The following BTC variants were observed in gnomAD, a reference collection of about 807,000 sequenced individuals.
The protein encoded by BTC is betacellulin.
A neutral mutation model predicts 18.1 loss-of-function variants in BTC; 13 were observed. That is an observed-to-expected ratio of 0.72 (90% CI 0.47 to 1.14). The LOEUF (loss-of-function observed/expected upper bound fraction) is 1.14. Ranked by LOEUF, BTC falls within the 50% of genes most tolerant of loss-of-function variation. BTC has a pLI of 0.00. For missense variants in BTC, 247 were observed against 224.2 expected (o/e 1.10, Z -0.65); for synonymous variants, 83 against 79.4 (o/e 1.05, Z -0.24).
intron 1 of BTC, 50 bp downstream of exon 1, chr4:74,794,212 C>T: frequency 6.5e-7 from 1 of 1,548,464 alleles, no homozygotes; most frequent in South Asian, 1.2e-5. Flanking sequence ...CCCCGCGACT[C>T]CAGCCCCAGA....
chr4:74,770,089 G>T lies in BTC; in HGVS notation c.132C>A (p.Leu44=), dbSNP rs761435121. Reference sequence around the variant, plus strand: ...AGTTTTCCTCAGGGTCTCCACAGAGGAGGCCATTAGTTTCAGGACTTCTGG... The same window carrying T: ...AGTTTTCCTCAGGGTCTCCACAGAGTAGGCCATTAGTTTCAGGACTTCTGG... ...NSTRSPETNG[L]LCGDPEENCA... The change falls in exon 2 of 6, where the codon CTC becomes CTA. Residue 44 remains leucine, a synonymous_variant. Coordinates refer to ENST00000395743, the MANE Select transcript of BTC (RefSeq NM_001729.4). 4.3e-6 allele frequency: 7 copies of T among 1,613,206 alleles called. No homozygotes were observed. Among genetic ancestry groups the T allele is most frequent in the Non-Finnish European group, 5.9e-6 (7 of 1,179,508 alleles).
intron 1 of BTC, among the ~76,000 whole-genome samples, chr4:74,791,074 C>A (rs531569008): frequency 4.2e-4 from 64 of 152,298 alleles, no homozygotes; most frequent in Admixed American, 2.3e-3. Context: ...CTTGAATGTC[C>A]TATCTCTCCC....
rs966896542 is a variant in BTC, at chr4:74,770,096, T to C, written c.125A>G (p.Asn42Ser). ...CTCAGGGTCTCCACAGAGGAGGCCA[T>C]TAGTTTCAGGACTTCTGGTGGAATT... ...DGNSTRSPET[N>S]GLLCGDPEEN... The change falls in exon 2 of 6, where the codon AAT becomes AGT. Residue 42 changes from asparagine to serine, a missense_variant. Asn to Ser is a conservative substitution (Grantham distance 46, BLOSUM62 1). Transcript: ENST00000395743. 6.2e-7 allele frequency: 1 copy of C among 1,613,246 alleles called. No homozygotes were observed. The highest frequency in any genetic ancestry group is 1.3e-5 in the African/African-American group (1 of 74,842).
chr4:74,769,638 C>A (rs921173448), intron 2 of BTC, among the ~76,000 whole-genome samples: 5 of 152,116 alleles, frequency 3.3e-5, no homozygotes, highest in Non-Finnish European at 1.5e-5. Flanking sequence ...CTTCTTTTAA[C>A]TATGAAATAG....
chr4:74,764,803 A>G (rs1346426921), intron 2 of BTC, among the ~76,000 whole-genome samples: 1 of 152,180 alleles, frequency 6.6e-6, no homozygotes, highest in Non-Finnish European at 1.5e-5. Context: ...GTCTGTTCTC[A>G]TGCTGCTAAT....
intron 1 of BTC, among the ~76,000 whole-genome samples, chr4:74,793,037 G>A (rs1300043901): frequency 6.6e-6 from 1 of 152,204 alleles, no homozygotes; most frequent in Non-Finnish European, 1.5e-5. Context: ...CTGTTGGATA[G>A]TTTAGACACG....
chr4:74,792,287 C>T (rs1264650090), intron 1 of BTC, among the ~76,000 whole-genome samples: 1 of 152,104 alleles, frequency 6.6e-6, no homozygotes, highest in South Asian at 2.1e-4. Context: ...GCACTGGATT[C>T]GAGTTTTGCT....
intron 1 of BTC, among the ~76,000 whole-genome samples, chr4:74,788,467 C>T: frequency 6.6e-6 from 1 of 152,160 alleles, no homozygotes; most frequent in East Asian, 1.9e-4. Context: ...AAGGATTGAA[C>T]TATTATACAA....
At chr4:74,787,425 TTTCA>T (rs1397194424) in intron 1 of BTC, among the ~76,000 whole-genome samples, 1 of 152,246 alleles carries the variant, frequency 6.6e-6, no homozygotes, top group Non-Finnish European at 1.5e-5. Flanking sequence ...TAAAAAGGTC[TTTCA>T]TTGTTTCTTT....
At chr4:74,785,470 G>T (rs1219508553) in intron 1 of BTC, among the ~76,000 whole-genome samples, 5 of 151,884 alleles carry the variant, frequency 3.3e-5, no homozygotes, top group Non-Finnish European at 5.9e-5. Flanking sequence ...CTAGCTTTGG[G>T]GTTTGTTTGC....
chr4:74,789,496 A>G (rs139330303), intron 1 of BTC, among the ~76,000 whole-genome samples: 5 of 152,346 alleles, frequency 3.3e-5, no homozygotes, highest in African/African-American at 1.2e-4. Context: ...CCTCAAAATA[A>G]TTCTGTGTCT....
At chr4:74,756,498 A>G (rs2109884734) in intron 2 of BTC, among the ~76,000 whole-genome samples, 1 of 152,368 alleles carries the variant, frequency 6.6e-6, no homozygotes, top group Non-Finnish European at 1.5e-5. Flanking sequence ...TGCACAAAGC[A>G]CGATACATGG....
chr4:74,780,058 C>T (rs888376678), intron 1 of BTC, among the ~76,000 whole-genome samples: 5 of 151,860 alleles, frequency 3.3e-5, no homozygotes, highest in African/African-American at 1.2e-4. Flanking sequence ...CTTTGGGAGA[C>T]AATGAGTAAA....
chr4:74,779,139 A>G (rs1274994165), intron 1 of BTC, among the ~76,000 whole-genome samples: 2 of 152,200 alleles, frequency 1.3e-5, no homozygotes, highest in East Asian at 3.9e-4. Context: ...GTAAAACTCT[A>G]TTCTGAATGG....
chr4:74,784,251 A>G (rs1156727539), intron 1 of BTC, among the ~76,000 whole-genome samples: 1 of 150,962 alleles, frequency 6.6e-6, no homozygotes, highest in Admixed American at 6.6e-5. Context: ...AAAAAAAAAG[A>G]AAAAAGAATG....
At position 74,745,615 on chromosome 4, in the gene BTC, A is replaced by G. The variant is rs1234829337; in HGVS notation, c.*1062T>C. On this transcript the variant is annotated 3_prime_UTR_variant, in exon 6 of 6. Transcript: ENST00000395743. ...TAATAGATGTTATGGTCATGAATTT[A>G]CTGCATCAAAATTTACCTGAGAGCA... The G allele has an allele frequency of 6.6e-6, 1 of 152,164 alleles. No homozygotes were observed. Among genetic ancestry groups the G allele is most frequent in the East Asian group, 1.9e-4 (1 of 5,194 alleles). 9.4% of individuals were successfully genotyped at this position (152,164 alleles called of 1,614,324 possible). A position where few individuals can be genotyped will look rare whatever the true frequency, so the allele number is the denominator to read the frequency against.
intron 1 of BTC, among the ~76,000 whole-genome samples, chr4:74,793,940 GGCGCCGCCAGGCCCTCT>G (rs1300135404): frequency 3.9e-5 from 5 of 127,328 alleles, no homozygotes; most frequent in Non-Finnish European, 7.9e-5. Flanking sequence ...ACAGCCCGCC[GGCGCCGCCAGGCCCTCT>G]GCTGTGCGCA....
intron 2 of BTC, among the ~76,000 whole-genome samples, chr4:74,757,211 C>A (rs1447816260): frequency 6.6e-6 from 1 of 152,172 alleles, no homozygotes; most frequent in African/African-American, 2.4e-5. Flanking sequence ...TACTAAATAT[C>A]TTAATTAATA....
intron 5 of BTC, among the ~76,000 whole-genome samples, chr4:74,747,833 C>T (rs1248335976): frequency 6.6e-6 from 1 of 151,852 alleles, no homozygotes; most frequent in Non-Finnish European, 1.5e-5. Flanking sequence ...AATTAGAATG[C>T]CTATCTCTGT....
Sources: allele counts gnomAD v4.1 joint callset (sites outside exome capture counted in the v4.1 genomes callset), GRCh38; gene constraint gnomAD v4.1.1; transcripts MANE v1.5; gene names NCBI Gene and HGNC (gene_info 2026-07-23, HGNC 2026-07-21).